Variants in PCDH10 observed in about 807,000 individuals in gnomAD.
PCDH10 encodes the protein protocadherin-10.
PCDH10 carries 15 observed loss-of-function variants against 74.4 expected under a neutral mutation model. That is an observed-to-expected ratio of 0.20 (90% CI 0.13 to 0.31). The LOEUF is 0.31. Among genes scored for constraint, PCDH10 ranks in the 10% least tolerant of loss-of-function variants. The probability of loss-of-function intolerance (pLI) is 1.00; values close to 1 mark genes in which losing one functional copy is unlikely to be tolerated. For missense variants in PCDH10, 1,260 were observed against 1,390.2 expected (o/e 0.91, Z 1.49); for synonymous variants, 619 against 589.8 (o/e 1.05, Z -0.72).
intron 2 of PCDH10, among the ~76,000 whole-genome samples, chr4:133,205,606 C>T (rs532483497): frequency 1.5e-4 from 23 of 152,170 alleles, no homozygotes; most frequent in Admixed American, 1.4e-3. Context: ...CATTTCTTCC[C>T]TTATTTTTCT....
intron 3 of PCDH10, among the ~76,000 whole-genome samples, chr4:133,160,579 C>T (rs944365793): frequency 3.3e-5 from 5 of 150,126 alleles, no homozygotes; most frequent in Admixed American, 2.0e-4. Context: ...GTAAAAACTA[C>T]GTAAAAGTAA....
Position 133,191,972 on chromosome 4 carries a change from C to T in PCDH10, c.*1812C>T, listed in dbSNP as rs1311409711. The T allele has an allele frequency of 1.2e-4, 6 of 48,300 alleles. No individual in the cohort carries two copies. Among genetic ancestry groups the T allele is most frequent in the Admixed American group, 3.7e-4 (1 of 2,678 alleles). 3.0% of individuals were successfully genotyped at this position (48,300 alleles called of 1,614,324 possible). Reference sequence around the variant, plus strand: ...TTTAAAATACATATATATACACACACACACACACACACACACACACACACT... The same window carrying T: ...TTTAAAATACATATATATACACACATACACACACACACACACACACACACT... On this transcript the variant is annotated 3_prime_UTR_variant, in exon 5 of 5. Coordinates refer to ENST00000264360, the MANE Select transcript of PCDH10 (RefSeq NM_032961.3).
chr4:133,204,230 G>A (rs1396552604), intron 2 of PCDH10, among the ~76,000 whole-genome samples: 2 of 152,178 alleles, frequency 1.3e-5, no homozygotes, highest in Non-Finnish European at 2.9e-5. Context: ...TGGGAGCCAT[G>A]CTTAATTCTT....
At chr4:133,189,617 T>C (rs1008240596) in intron 4 of PCDH10, among the ~76,000 whole-genome samples, 1 of 152,076 alleles carries the variant, frequency 6.6e-6, no homozygotes, top group African/African-American at 2.4e-5. Context: ...ATTTTATAAA[T>C]GAGATTAAAT....
intron 2 of PCDH10, among the ~76,000 whole-genome samples, chr4:133,202,311 T>C (rs557744302): frequency 1.2e-4 from 19 of 152,276 alleles, no homozygotes; most frequent in Non-Finnish European, 2.2e-4. Flanking sequence ...TGCCAGTTAG[T>C]AGCTTAAATA....
At position 133,150,774 on chromosome 4, in the gene PCDH10, G is replaced by A; in HGVS notation, c.634G>A (p.Val212Ile). 6.3e-7 allele frequency: 1 copy of A among 1,579,462 alleles called. No homozygotes were observed. Among genetic ancestry groups the A allele is most frequent in the South Asian group, 1.1e-5 (1 of 88,112 alleles). ...GGTGGACGGAGGAGGTGGGGGAGGA[G>A]TAGGAGAAGGAGGGGGAGGTGGCGG... ...TAVDGGGGGGVGEGGGGGGGA... is the reference protein window; with the variant it reads ...TAVDGGGGGGIGEGGGGGGGA... Residue 212 changes from valine (V) to isoleucine (I), a missense_variant, in exon 1 of 5, where the codon GTA becomes ATA. Physicochemically the swap from Val to Ile is conservative, Grantham distance 29. Transcript: ENST00000264360.
intron 2 of PCDH10, among the ~76,000 whole-genome samples, chr4:133,200,990 T>C (rs1335323354): frequency 6.6e-6 from 1 of 150,534 alleles, no homozygotes; most frequent in East Asian, 2.0e-4. Flanking sequence ...CTAAAGACAG[T>C]TCTTATTGTT....
intron 1 of PCDH10, 173 bp downstream of exon 1, chr4:133,152,944 C>T (rs1726773737): frequency 2.1e-6 from 3 of 1,452,076 alleles, no homozygotes. Context: ...CGTGTGTAAC[C>T]TAACTTTCGC....
intron 4 of PCDH10, among the ~76,000 whole-genome samples, chr4:133,185,606 G>T (rs1170082175): frequency 6.6e-6 from 1 of 152,098 alleles, no homozygotes. Flanking sequence ...TTGTACGCTA[G>T]ATGCATTTAT....
intron 3 of PCDH10, among the ~76,000 whole-genome samples, chr4:133,156,204 T>C (rs574994418): frequency 6.6e-6 from 1 of 152,334 alleles, no homozygotes; most frequent in African/African-American, 2.4e-5. Context: ...GTACACCCCA[T>C]GGTGGCCTGG....
chr4:133,167,606 T>C (rs1267922733), intron 4 of PCDH10, among the ~76,000 whole-genome samples: 1 of 151,436 alleles, frequency 6.6e-6, no homozygotes, highest in African/African-American at 2.4e-5. Flanking sequence ...TCTTGTAGGA[T>C]TTTTTCTTTT....
chr4:133,182,781 G>GCC (rs2125870867), intron 4 of PCDH10, among the ~76,000 whole-genome samples: 1 of 152,122 alleles, frequency 6.6e-6, no homozygotes, highest in African/African-American at 2.4e-5. Flanking sequence ...GCCTGGTATG[G>GCC]TGGCCAACGT....
chr4:133,199,293 A>G (rs1157435081), downstream of PCDH10, among the ~76,000 whole-genome samples: 1 of 45,342 alleles, frequency 2.2e-5, no homozygotes, highest in African/African-American at 6.5e-5. Context: ...GTCTCAAAAT[A>G]ATAATAATAA....
intron 4 of PCDH10, among the ~76,000 whole-genome samples, chr4:133,167,583 A>C (rs1219514912): frequency 6.6e-6 from 1 of 151,452 alleles, no homozygotes; most frequent in Non-Finnish European, 1.5e-5. Context: ...ACACCGCTAA[A>C]TGAATGGACC....
rs1279811515 is a variant in PCDH10 at position 133,189,203 on chromosome 4, T to G, written c.3104-938T>G. ...AGATTAAAATAATTGTTTTGCTATT[T>G]AATGTACTTTGTAACTTTTAATGAG... On this transcript the variant is annotated intron_variant, in intron 4 of 4. Transcript: ENST00000264360. Among the ~76,000 whole-genome samples, 6 of 152,304 alleles carry G rather than the reference T, an allele frequency of 3.9e-5. No individual in the cohort carries two copies. The East Asian group carries it at 9.7e-4, about 25-fold the overall frequency.
At chr4:133,200,175 T>C (rs1331914229) in intron 2 of PCDH10, among the ~76,000 whole-genome samples, 1 of 152,014 alleles carries the variant, frequency 6.6e-6, no homozygotes, top group Admixed American at 6.6e-5. Flanking sequence ...TTACTAATAT[T>C]ATTTAAATTA....
Position 133,151,947 on chromosome 4 carries a change from G to T in PCDH10, c.1807G>T (p.Val603Leu). 1 of 1,612,326 alleles carries T rather than the reference G, an allele frequency of 6.2e-7. No homozygotes were observed. Among genetic ancestry groups the T allele is most frequent in the Non-Finnish European group, 8.5e-7 (1 of 1,179,672 alleles). The change falls in exon 1 of 5, where the codon GTG (valine) becomes TTG (leucine). Residue 603 changes from valine to leucine, a missense_variant. Physicochemically the swap from Val to Leu is conservative, Grantham distance 32. This residue lies in a region of PCDH10 where 587 missense variants were observed against 616.9 expected (regional missense o/e 0.95). Transcript: ENST00000264360. ...SAEPGYLLTR[V>L]AAVDADDGEN... ...GGAGCCGGGTTACCTGCTCACCCGC[G>T]TGGCCGCCGTGGACGCGGACGACGG...
At chr4:133,195,952 T>C (rs2125875878), downstream of PCDH10, among the ~76,000 whole-genome samples, 1 of 152,304 alleles carries the variant, frequency 6.6e-6, no homozygotes, top group Non-Finnish European at 1.5e-5. Flanking sequence ...TATTTAATGC[T>C]GTGGAAACAG....
At chr4:133,195,514 C>A (rs1347710816), downstream of PCDH10, among the ~76,000 whole-genome samples, 1 of 152,056 alleles carries the variant, frequency 6.6e-6, no homozygotes, top group South Asian at 2.1e-4. Flanking sequence ...AATATAGACT[C>A]TTTAAGATTA....
Sources: gnomAD v4.1 joint callset for allele counts (sites outside exome capture counted in the v4.1 genomes callset) on GRCh38, gnomAD v4.1.1 for gene constraint, gnomAD v4.1.1 regional missense constraint, MANE v1.5 for transcripts, NCBI Gene and HGNC (gene_info 2026-07-23, HGNC 2026-07-21) for gene names.